HERC3: variants seen among roughly 807,000 people sequenced by gnomAD.
The protein encoded by HERC3 is HECT and RLD domain containing E3 ubiquitin protein ligase 3, also known as probable E3 ubiquitin-protein ligase HERC3.
A neutral mutation model predicts 129.9 loss-of-function variants in HERC3; 58 were observed. The ratio of observed to expected loss-of-function variants is 0.45; its 90% confidence interval spans 0.36 to 0.56. The LOEUF (loss-of-function observed/expected upper bound fraction) is 0.56. Among genes scored for constraint, HERC3 ranks in the 20% least tolerant of loss-of-function variants. HERC3 has a pLI of 0.00. For synonymous variants in HERC3, 430 were observed against 451.0 expected (o/e 0.95, Z 0.59); for missense variants, 835 against 1,244.2 (o/e 0.67, Z 4.95).
the HERC3 span, among the ~76,000 whole-genome samples, chr4:88,528,700 C>A: frequency 6.6e-6 from 1 of 152,130 alleles, no homozygotes; most frequent in Non-Finnish European, 1.5e-5. Context: ...GGCAAGGTTT[C>A]ATTTCCATTT....
At chr4:88,563,817 C>T in the HERC3 span, among the ~76,000 whole-genome samples, 1 of 152,004 alleles carries the variant, frequency 6.6e-6, no homozygotes. Context: ...CACCACCACG[C>T]CCGGCTAATT....
At chr4:88,530,261 G>A in the HERC3 span, among the ~76,000 whole-genome samples, 1 of 151,742 alleles carries the variant, frequency 6.6e-6, no homozygotes, top group Non-Finnish European at 1.5e-5. Flanking sequence ...CTGCACTCCA[G>A]CCTAGGTGAC....
At position 88,704,609 on chromosome 4, in the gene HERC3, C is replaced by T. The variant is rs1560788030; in HGVS notation, c.2943C>T (p.Leu981=). 6.5e-6 allele frequency: 10 copies of T among 1,537,170 alleles called. No individual in the cohort carries two copies. The highest frequency in any genetic ancestry group is 2.2e-5 in the South Asian group (2 of 89,406). The change falls in exon 25 of 26, where the codon CTC becomes CTT. Residue 981 remains leucine, a splice_region_variant and synonymous_variant. Transcript: ENST00000402738. ...EFPLEKKKKF[L]LFLTGSDRIP... ...CATTGGAAAAGAAGAAGAAGTTTCT[C>T]TGTAAGTATCAGTAATCTCAATATG...
intron 14 of HERC3, among the ~76,000 whole-genome samples, chr4:88,669,544 A>G (rs936462188): frequency 3.9e-5 from 6 of 152,138 alleles, no homozygotes; most frequent in Non-Finnish European, 5.9e-5. Flanking sequence ...GGATTAATAC[A>G]TTGGGCATCA....
In HERC3 at chr4:88,687,266, G is replaced by A. The variant is rs1733581280; in HGVS notation, c.2624G>A (p.Gly875Glu). The change falls in exon 23 of 26, where the codon GGG (glycine) becomes GAG (glutamate). Residue 875 changes from glycine to glutamate, a missense_variant. Transcript: ENST00000402738. ...ATTGAACAGAAGAAGCTGATACCTG[G>A]GGGAGATAATGTAACTGTGTGCAAG... ...GVIEQKKLIPGGDNVTVCKDN... is the reference protein window; with the variant it reads ...GVIEQKKLIPEGDNVTVCKDN... The A allele has an allele frequency of 6.2e-7, 1 of 1,612,800 alleles. No homozygotes were observed. The highest frequency in any genetic ancestry group is 1.3e-5 in the African/African-American group (1 of 74,876).
intron 3 of HERC3, among the ~76,000 whole-genome samples, chr4:88,641,897 C>T (rs1728133525): frequency 6.6e-6 from 1 of 152,046 alleles, no homozygotes; most frequent in Admixed American, 6.6e-5. Flanking sequence ...GTGGGCAGGA[C>T]ACTTGAGACC....
chr4:88,542,853 T>C, the HERC3 span, among the ~76,000 whole-genome samples: 3 of 152,290 alleles, frequency 2.0e-5, no homozygotes. Flanking sequence ...ATTTTCTCTA[T>C]AGTTGCAGAA....
intron 10 of HERC3, 51 bp from the exon 11 acceptor site, chr4:88,662,380 A>G (rs1164855511): frequency 7.8e-6 from 12 of 1,539,860 alleles, no homozygotes; most frequent in Non-Finnish European, 1.1e-5. Context: ...AGAGGAGACA[A>G]GATCCATGCT....
chr4:88,525,029 A>ATTT, the HERC3 span: 24,913 of 151,480 alleles, frequency 0.16, 2,099 homozygotes, highest in African/African-American at 0.2. Flanking sequence ...GTTTTTTTTA[A>ATTT]AAAAAACAGT....
the HERC3 span, among the ~76,000 whole-genome samples, chr4:88,544,899 T>TG: frequency 6.6e-6 from 1 of 152,078 alleles, no homozygotes; most frequent in Admixed American, 6.5e-5. Context: ...TGGGGCCTGT[T>TG]GTGGGGTGGG....
At chr4:88,527,830 C>G in the HERC3 span, 1 of 326,754 alleles carries the variant, frequency 3.1e-6, no homozygotes, top group Non-Finnish European at 6.0e-6. Flanking sequence ...TGTTTACGAA[C>G]GGAAGCTGAA....
intron 3 of HERC3, among the ~76,000 whole-genome samples, chr4:88,608,560 G>C (rs1286836574): frequency 1.3e-5 from 2 of 152,206 alleles, no homozygotes; most frequent in African/African-American, 2.4e-5. Flanking sequence ...TATTTATTAT[G>C]TATTTTACCA....
rs773246769 is a variant in HERC3 at position 88,670,031 on chromosome 4, T to C, written c.1797+8T>C. 6.2e-7 allele frequency: 1 copy of C among 1,612,700 alleles called. No individual in the cohort carries two copies. Among genetic ancestry groups the C allele is most frequent in the Non-Finnish European group, 8.5e-7 (1 of 1,178,810 alleles). ...TTGGAGAAGTTATATAAGGTGAGCA[T>C]AGGAGGTGCTAGTGGGGAGGGGGTG... On this transcript the variant is annotated splice_region_variant and intron_variant, in intron 15 of 25. Transcript: ENST00000402738.
At chr4:88,693,777 ACTC>A in intron 23 of HERC3, 1 of 641,450 alleles carries the variant, frequency 1.6e-6, no homozygotes. Flanking sequence ...TCTGCGTAAT[ACTC>A]AGAGAGTTGG....
chr4:88,708,360 T>C lies in HERC3; in HGVS notation c.*1400T>C, dbSNP rs1381917614. On this transcript the variant is annotated 3_prime_UTR_variant, in exon 26 of 26. Coordinates refer to ENST00000402738, the MANE Select transcript of HERC3 (RefSeq NM_014606.3). ...TAAAGCATCAAATCTTGATGAAGGA[T>C]TGTAGATTTTTGCTTTTTCTTTTTG... 1 of 152,548 alleles carries C rather than the reference T, an allele frequency of 6.6e-6. No homozygotes were observed. The highest frequency in any genetic ancestry group is 2.4e-5 in the African/African-American group (1 of 41,426). 9.4% of individuals were successfully genotyped at this position (152,548 alleles called of 1,614,324 possible). A position where few individuals can be genotyped will look rare whatever the true frequency, so the allele number is the denominator to read the frequency against.
At chr4:88,529,325 C>T in the HERC3 span, among the ~76,000 whole-genome samples, 1 of 152,084 alleles carries the variant, frequency 6.6e-6, no homozygotes, top group African/African-American at 2.4e-5. Context: ...TTGGCTATGG[C>T]AGTGCCTGCA....
At chr4:88,624,298 T>C (rs896154501) in intron 3 of HERC3, among the ~76,000 whole-genome samples, 5 of 152,378 alleles carry the variant, frequency 3.3e-5, no homozygotes, top group Middle Eastern at 6.8e-3. Flanking sequence ...AGTGAATTGC[T>C]GGTTCATATG....
intron 3 of HERC3, among the ~76,000 whole-genome samples, chr4:88,637,949 A>G (rs1003492629): frequency 4.0e-5 from 6 of 150,602 alleles, no homozygotes; most frequent in Non-Finnish European, 8.8e-5. Context: ...CCTTCAGAGA[A>G]TACTATTAAC....
intron 2 of HERC3, among the ~76,000 whole-genome samples, chr4:88,597,567 A>G (rs1193609144): frequency 6.6e-6 from 1 of 152,082 alleles, no homozygotes; most frequent in African/African-American, 2.4e-5. Flanking sequence ...GCTGTCTATG[A>G]GGGCCCTGGC....
Sources: allele counts gnomAD v4.1 joint callset (sites outside exome capture counted in the v4.1 genomes callset), GRCh38; gene constraint gnomAD v4.1.1; transcripts MANE v1.5; gene names NCBI Gene and HGNC (gene_info 2026-07-23, HGNC 2026-07-21).